The following SYT14 variants were observed in gnomAD, a reference collection of about 807,000 sequenced individuals.
SYT14 encodes synaptotagmin 14.
In SYT14, 32 loss-of-function variants were observed where a neutral mutation model predicts 74.2. That is an observed-to-expected ratio of 0.43 (90% CI 0.33 to 0.58). SYT14 has a LOEUF of 0.58. SYT14 is among the 20% of genes least tolerant of loss of function. The pLI, the probability that SYT14 is intolerant of heterozygous loss-of-function variation, is 0.05. For missense variants in SYT14, 791 were observed against 981.8 expected, an observed-to-expected ratio of 0.81 and a Z score of 2.60; for synonymous variants, 298 against 337.7, an observed-to-expected ratio of 0.88 and a Z score of 1.29.
At chr1:209,961,000 G>A (rs1234473762) in intron 2 of SYT14, among the ~76,000 whole-genome samples, 3 of 152,140 alleles carry the variant, frequency 2.0e-5, no homozygotes, top group Non-Finnish European at 4.4e-5. Context: ...GAATGTTTCT[G>A]CATGTGCTGT....
At chr1:209,988,445 GT>G (rs1200249529) in intron 2 of SYT14, among the ~76,000 whole-genome samples, 1 of 152,022 alleles carries the variant, frequency 6.6e-6, no homozygotes, top group East Asian at 1.9e-4. Context: ...TTTCTGCTAG[GT>G]TTTTTTCATT....
rs139124323 is a variant in SYT14, at chr1:210,111,992, A to G, written c.2034+11531A>G. Among the ~76,000 whole-genome samples the G allele has an allele frequency of 1.3e-4, 20 of 151,358 alleles. No homozygotes were observed. The East Asian group carries it at 3.9e-3, about 29-fold the overall frequency. ...GTAAGGGGCATGAAGGTTTCACTGA[A>G]TACCAAGAGCCTGAGAAACTGCTTG... On this transcript the variant is annotated intron_variant, in intron 7 of 9. Transcript: ENST00000637265.
At position 210,113,051 on chromosome 1, in the gene SYT14, C is replaced by G. The variant is rs371933100; in HGVS notation, c.2034+12590C>G. On this transcript the variant is annotated intron_variant, in intron 7 of 9. Coordinates refer to ENST00000637265, the Ensembl canonical transcript of SYT14. ...TCTAAAAGTATTAAAGCAGCGGCAGCCGCCGCACGCAGACATGAGAGCTAA... is the reference window on the plus strand; with the variant it reads ...TCTAAAAGTATTAAAGCAGCGGCAGGCGCCGCACGCAGACATGAGAGCTAA... Among the ~76,000 whole-genome samples, 31 of 151,444 alleles carry G rather than the reference C, an allele frequency of 2.0e-4. No individual in the cohort carries two copies. The East Asian group carries it at 2.9e-3, about 14-fold the overall frequency.
At chr1:210,157,842 C>G (rs1460783018) in intron 8 of SYT14, among the ~76,000 whole-genome samples, 1 of 151,848 alleles carries the variant, frequency 6.6e-6, no homozygotes, top group Non-Finnish European at 1.5e-5. Flanking sequence ...TTCTAGTTGT[C>G]GTAAAAATTA....
intron 2 of SYT14, among the ~76,000 whole-genome samples, chr1:209,989,108 CAGTGTCTTG>C (rs1273971583): frequency 1.3e-5 from 2 of 152,150 alleles, no homozygotes; most frequent in African/African-American, 4.8e-5. Flanking sequence ...TGCCCATCTT[CAGTGTCTTG>C]AGTGCCATTG....
At chr1:209,980,384 T>G (rs964856680) in intron 2 of SYT14, among the ~76,000 whole-genome samples, 1 of 152,298 alleles carries the variant, frequency 6.6e-6, no homozygotes, top group Non-Finnish European at 1.5e-5. Context: ...AATTTTCTCC[T>G]GTTCTTTAGG....
exon 10 of SYT14, chr1:210,164,840 G>A (rs1193640027): frequency 6.6e-6 from 1 of 152,012 alleles, no homozygotes; most frequent in African/African-American, 2.4e-5. Context: ...TCCATTCACT[G>A]TCCTCAGTTC....
intron 1 of SYT14, among the ~76,000 whole-genome samples, chr1:209,948,417 G>T (rs2078856571): frequency 6.6e-6 from 1 of 152,180 alleles, no homozygotes; most frequent in Non-Finnish European, 1.5e-5. Flanking sequence ...AATTGTAGAG[G>T]ATTATGCCAG....
intron 5 of SYT14, among the ~76,000 whole-genome samples, chr1:210,037,576 C>T (rs1388623066): frequency 6.7e-6 from 1 of 149,466 alleles, no homozygotes; most frequent in Non-Finnish European, 1.5e-5. Flanking sequence ...GTACATAGTG[C>T]TATAGACTGC....
At chr1:209,971,469 A>G (rs2079255328) in intron 2 of SYT14, among the ~76,000 whole-genome samples, 2 of 152,150 alleles carry the variant, frequency 1.3e-5, no homozygotes, top group Admixed American at 1.3e-4. Context: ...TCCAGTTCTC[A>G]AGGGGAATTG....
rs528037699 is a variant in SYT14, at chr1:210,121,773, G to A, written c.2034+21312G>A. Among the ~76,000 whole-genome samples the A allele has an allele frequency of 3.5e-4, 52 of 148,144 alleles. 1 individual carries two copies. The South Asian group carries it at 9.0e-3, about 26-fold the overall frequency. On this transcript the variant is annotated intron_variant, in intron 7 of 9. Coordinates refer to ENST00000637265, the Ensembl canonical transcript of SYT14. ...CGCACCACTGCACTCTAGCCTGGGC[G>A]ACAGAGCGAGACCCCATTTCAAAAA...
chr1:210,096,191 A>G (rs1264230208), intron 6 of SYT14, among the ~76,000 whole-genome samples: 1 of 152,220 alleles, frequency 6.6e-6, no homozygotes, highest in Non-Finnish European at 1.5e-5. Context: ...CTTTAGTTCC[A>G]ACCCAGGTCT....
intron 7 of SYT14, among the ~76,000 whole-genome samples, chr1:210,129,013 CA>C (rs1189085670): frequency 6.6e-6 from 1 of 151,468 alleles, no homozygotes; most frequent in Non-Finnish European, 1.5e-5. Flanking sequence ...CTTAGGTATC[CA>C]AAAAAATAGC....
At chr1:210,026,402 T>TC (rs940710040) in intron 5 of SYT14, among the ~76,000 whole-genome samples, 43 of 152,250 alleles carry the variant, frequency 2.8e-4, no homozygotes, top group African/African-American at 1.0e-3. Context: ...TATATGAAGA[T>TC]CAAGTTCAGT....
chr1:210,105,479 C>A (rs541868116), intron 7 of SYT14, among the ~76,000 whole-genome samples: 1 of 152,102 alleles, frequency 6.6e-6, no homozygotes, highest in Non-Finnish European at 1.5e-5. Context: ...AATCCAAAAT[C>A]GATATGTTGT....
At chr1:210,036,158 G>GTTTGTT (rs978447655) in intron 5 of SYT14, among the ~76,000 whole-genome samples, 37 of 151,506 alleles carry the variant, frequency 2.4e-4, no homozygotes, top group Non-Finnish European at 5.0e-4. Flanking sequence ...TTTTTTGTTT[G>GTTTGTT]TTTGTTTTTG....
intron 1 of SYT14, among the ~76,000 whole-genome samples, chr1:209,943,163 G>A (rs1328066756): frequency 1.3e-5 from 2 of 152,056 alleles, no homozygotes; most frequent in African/African-American, 4.8e-5. Flanking sequence ...TTTTCTAACC[G>A]ACTACACAAA....
chr1:210,045,205 G>C (rs2080862721), intron 5 of SYT14, among the ~76,000 whole-genome samples: 1 of 152,108 alleles, frequency 6.6e-6, no homozygotes, highest in African/African-American at 2.4e-5. Context: ...ATTCATCAGT[G>C]TAAGTTAGTC....
intron 2 of SYT14, among the ~76,000 whole-genome samples, chr1:209,978,909 C>T (rs1012851397): frequency 6.6e-6 from 1 of 151,752 alleles, no homozygotes; most frequent in Admixed American, 6.6e-5. Context: ...CAGTGGCGGG[C>T]GCCCCTCCCC....
Sources: allele counts gnomAD v4.1 joint callset (sites outside exome capture counted in the v4.1 genomes callset), GRCh38; gene constraint gnomAD v4.1.1; transcripts MANE v1.5; gene names NCBI Gene and HGNC (gene_info 2026-07-23, HGNC 2026-07-21).